Variants in RHCG observed in about 807,000 individuals in gnomAD.
RHCG encodes ammonium transporter Rh type C.
In RHCG, 39 loss-of-function variants were observed where a neutral mutation model predicts 55.3. That is an observed-to-expected ratio of 0.70 (90% CI 0.55 to 0.92). RHCG has a LOEUF of 0.92. Among genes scored for constraint, RHCG ranks in the 40% least tolerant of loss-of-function variants. RHCG has a pLI of 0.00. For synonymous variants in RHCG, 250 were observed against 246.8 expected (o/e 1.01, Z -0.12); for missense variants, 635 against 627.9 (o/e 1.01, Z -0.12).
intron 1 of RHCG, among the ~76,000 whole-genome samples, chr15:89,490,675 G>C (rs940853426): frequency 3.9e-5 from 6 of 152,220 alleles, no homozygotes; most frequent in Admixed American, 1.3e-4. Flanking sequence ...GAGTTGGCAG[G>C]ATGACAGGAT....
intron 3 of RHCG, among the ~76,000 whole-genome samples, chr15:89,482,825 G>GA (rs938136929): frequency 6.6e-6 from 1 of 152,114 alleles, no homozygotes; most frequent in Non-Finnish European, 1.5e-5. Flanking sequence ...AAAGGAGGGG[G>GA]AAAAAAACAA....
At chr15:89,493,499 C>T (rs1567229711) in intron 1 of RHCG, among the ~76,000 whole-genome samples, 1 of 152,222 alleles carries the variant, frequency 6.6e-6, no homozygotes, top group Non-Finnish European at 1.5e-5. Context: ...ACTGGAGATG[C>T]CCAGCAGGCT....
At chr15:89,481,646 A>G (rs1309073549) in intron 3 of RHCG, among the ~76,000 whole-genome samples, 1 of 152,170 alleles carries the variant, frequency 6.6e-6, no homozygotes, top group African/African-American at 2.4e-5. Flanking sequence ...ATGGGGAGAG[A>G]GTAGACAACA....
intron 2 of RHCG, among the ~76,000 whole-genome samples, chr15:89,484,724 G>A (rs1289842948): frequency 6.7e-6 from 1 of 148,996 alleles, no homozygotes; most frequent in South Asian, 2.1e-4. Flanking sequence ...AGGTTGCAGC[G>A]AGCCAAGATC....
chr15:89,481,677 C>T (rs529765421), intron 3 of RHCG, among the ~76,000 whole-genome samples: 5 of 152,200 alleles, frequency 3.3e-5, no homozygotes, highest in South Asian at 2.1e-4. Context: ...AAAGTTGGCG[C>T]CAGAACAGGA....
At chr15:89,490,200 C>T (rs1454165483) in intron 1 of RHCG, among the ~76,000 whole-genome samples, 5 of 152,364 alleles carry the variant, frequency 3.3e-5, no homozygotes, top group East Asian at 1.9e-4. Flanking sequence ...GCAATGCTTA[C>T]GGCACAGCTG....
At chr15:89,495,010 A>G (rs1961540700) in intron 1 of RHCG, among the ~76,000 whole-genome samples, 1 of 152,160 alleles carries the variant, frequency 6.6e-6, no homozygotes, top group Non-Finnish European at 1.5e-5. Flanking sequence ...GGAAAGGTGG[A>G]CAATGTGAAC....
intron 10 of RHCG, among the ~76,000 whole-genome samples, chr15:89,472,141 A>G (rs1372247663): frequency 1.3e-5 from 2 of 152,196 alleles, no homozygotes; most frequent in East Asian, 3.8e-4. Flanking sequence ...GATCTTGAAG[A>G]ACCTGAACTT....
intron 3 of RHCG, among the ~76,000 whole-genome samples, chr15:89,482,157 G>A (rs1381640242): frequency 2.6e-5 from 4 of 152,054 alleles, no homozygotes; most frequent in East Asian, 1.9e-4. Context: ...GGCTGGTCTC[G>A]AACCCCTGAC....
intron 2 of RHCG, among the ~76,000 whole-genome samples, chr15:89,484,067 G>A (rs889183997): frequency 1.0e-5 from 1 of 95,766 alleles, no homozygotes; most frequent in Non-Finnish European, 2.1e-5. Flanking sequence ...CTTAGGCCGG[G>A]AGAGTTGTTG....
At chr15:89,486,339 C>G in intron 2 of RHCG, 1 of 456,664 alleles carries the variant, frequency 2.2e-6, no homozygotes, top group South Asian at 1.5e-5. Flanking sequence ...TGCAGACATC[C>G]CAGTTCTCCC....
chr15:89,480,469 C>T (rs1961247122), intron 3 of RHCG, 61 bp from the exon 4 acceptor site: 2 of 1,562,624 alleles, frequency 1.3e-6, no homozygotes, highest in Non-Finnish European at 1.7e-6. Context: ...TCATTGCCGT[C>T]CCTGTCTTGC....
chr15:89,486,599 A>AGAGAGTGAGTGTGTGT, intron 2 of RHCG, 200 bp downstream of exon 2: 4 of 264,464 alleles, frequency 1.5e-5, no homozygotes, highest in Admixed American at 4.8e-5. Flanking sequence ...AGAGAGAGAG[A>AGAGAGTGAGTGTGTGT]GTGTGTGTGT....
rs139103543 is a variant in RHCG, at chr15:89,496,522, C to A, written c.23G>T (p.Arg8Leu). 1.4e-5 allele frequency: 22 copies of A among 1,612,878 alleles called. No individual in the cohort carries two copies. In the African/African-American group the frequency reaches 2.7e-4, roughly 20 times the overall value. The change falls in exon 1 of 11, where the codon CGC (arginine) becomes CTC (leucine). Residue 8 changes from arginine to leucine, a missense_variant. By Grantham distance (102) the Arg-to-Leu change is moderately radical. Coordinates refer to ENST00000268122, the MANE Select transcript of RHCG (RefSeq NM_016321.3). MAWNTNL[R>L]WRLPLTCLLL... Reference sequence around the variant, plus strand: ...CAGGCAGGTGAGCGGCAGCCGCCAGCGGAGGTTGGTGTTCCAGGCCATGCT... The same window carrying A: ...CAGGCAGGTGAGCGGCAGCCGCCAGAGGAGGTTGGTGTTCCAGGCCATGCT...
intron 5 of RHCG, among the ~76,000 whole-genome samples, chr15:89,478,990 GT>G (rs1961209638): frequency 6.6e-6 from 1 of 152,066 alleles, no homozygotes; most frequent in African/African-American, 2.4e-5. Flanking sequence ...GTCCCAGCTA[GT>G]TGGGAAACTG....
chr15:89,479,741 G>C, intron 4 of RHCG: 2 of 515,750 alleles, frequency 3.9e-6, no homozygotes, highest in Non-Finnish European at 6.9e-6. Flanking sequence ...CCCCCACCCT[G>C]TTCCCACAGC....
chr15:89,474,160 G>C (rs1272894239), intron 9 of RHCG, among the ~76,000 whole-genome samples: 1 of 152,104 alleles, frequency 6.6e-6, no homozygotes, highest in Non-Finnish European at 1.5e-5. Context: ...AATCTATGCA[G>C]AGAAAAAAGA....
At chr15:89,486,709 GCCGATGGGCACGCCCT>G in intron 2 of RHCG, 74 bp downstream of exon 2, 1 of 1,337,152 alleles carries the variant, frequency 7.5e-7, no homozygotes. Flanking sequence ...CCCGGGTCCC[GCCGATGGGCACGCCCT>G]CCTCCCTCAG....
intron 1 of RHCG, among the ~76,000 whole-genome samples, chr15:89,491,922 C>T (rs1961482737): frequency 6.6e-6 from 1 of 152,210 alleles, no homozygotes; most frequent in African/African-American, 2.4e-5. Context: ...GTGCTCACTG[C>T]AGAGCTTTGT....
Sources: allele counts gnomAD v4.1 joint callset (sites outside exome capture counted in the v4.1 genomes callset), GRCh38; gene constraint gnomAD v4.1.1; transcripts MANE v1.5; gene names NCBI Gene and HGNC (gene_info 2026-07-23, HGNC 2026-07-21).